RFXANK: variants seen among roughly 807,000 people sequenced by gnomAD.
RFXANK encodes regulatory factor X associated ankyrin containing protein, also known as DNA-binding protein RFXANK.
A neutral mutation model predicts 34.5 loss-of-function variants in RFXANK; 19 were observed. The observed-to-expected ratio is 0.55, with a 90% CI of 0.38 to 0.81. The LOEUF is 0.81. RFXANK is among the 30% of genes least tolerant of loss of function. The pLI is 0.00. For synonymous variants in RFXANK, 154 were observed against 149.8 expected, an observed-to-expected ratio of 1.03 and a Z score of -0.20; for missense variants, 295 against 343.5, an observed-to-expected ratio of 0.86 and a Z score of 1.12.
rs200263189 is a variant in RFXANK at position 19,201,732 on chromosome 19, G to A, written c.*13G>A. 4.8e-5 allele frequency: 78 copies of A among 1,613,700 alleles called. 1 individual carries two copies. Among genetic ancestry groups the A allele is most frequent in the Non-Finnish European group, 6.2e-5 (73 of 1,179,948 alleles). On this transcript the variant is annotated 3_prime_UTR_variant, in exon 10 of 10. Transcript: ENST00000303088. ...TGACCCTGAGTGAAGGCCGCCTGCC[G>A]GGGACTCAGACACTCAGGGAACAAA...
intron 3 of RFXANK, among the ~76,000 whole-genome samples, chr19:19,195,324 T>C (rs2060580990): frequency 2.8e-5 from 3 of 108,804 alleles, no homozygotes; most frequent in Non-Finnish European, 3.5e-5. Context: ...CTGGATCCCC[T>C]CTCTTCTTGA....
chr19:19,194,690 ATTT>A (rs75789359), intron 3 of RFXANK, among the ~76,000 whole-genome samples: 2 of 137,072 alleles, frequency 1.5e-5, no homozygotes. Context: ...CACCTGGCTA[ATTT>A]TTTTTTTTTT....
intron 9 of RFXANK, among the ~76,000 whole-genome samples, chr19:19,200,513 T>C (rs1431020445): frequency 6.6e-6 from 1 of 151,688 alleles, no homozygotes; most frequent in Non-Finnish European, 1.5e-5. Flanking sequence ...GGTCTCGCTA[T>C]GTTGCCCAGG....
chr19:19,201,608 G>A (rs760983833), intron 9 of RFXANK, 41 bp from the exon 10 acceptor site: 42 of 1,613,300 alleles, frequency 2.6e-5, no homozygotes, highest in Non-Finnish European at 2.9e-5. Context: ...CCCCACTCCC[G>A]ATTCAAGCTC....
chr19:19,198,003 C>G, intron 6 of RFXANK, 104 bp from the exon 7 acceptor site: 1 of 1,478,106 alleles, frequency 6.8e-7, no homozygotes, highest in Non-Finnish European at 9.3e-7. Context: ...CAGAGCAAGA[C>G]TCTATCTCCA....
At chr19:19,198,900 T>C (rs1466504445) in intron 8 of RFXANK, 177 bp downstream of exon 8, 1 of 778,870 alleles carries the variant, frequency 1.3e-6, no homozygotes, top group African/African-American at 1.7e-5. Context: ...CACACGGGAG[T>C]CGGGGTCTGG....
Position 19,201,652 on chromosome 19 carries a change from A to G in RFXANK, c.716A>G (p.Gln239Arg). Residue 239 changes from glutamine to arginine, a missense_variant, in exon 10 of 10, where the codon CAA (glutamine) becomes CGA (arginine). Coordinates refer to ENST00000303088, the MANE Select transcript of RFXANK (RefSeq NM_003721.4). ...CCTTTTCCCTGCCCCATCTCAGTGC[A>G]ACAGGTGATCGAGAACCACATCCTC... ...LAVALGYRKV[Q>R]QVIENHILKL... is the part of the protein sequence containing the mutation. The G allele has an allele frequency of 6.2e-7, 1 of 1,614,112 alleles. No individual in the cohort carries two copies. Among genetic ancestry groups the G allele is most frequent in the African/African-American group, 1.3e-5 (1 of 75,044 alleles).
rs1219644365 is a variant in RFXANK, at chr19:19,198,739, GAGTGGCCCTGGGGGCCCCAGCACTCC to G, written c.631+19_631+44del. The G allele has an allele frequency of 6.2e-7, 1 of 1,613,698 alleles. No individual in the cohort carries two copies. Among genetic ancestry groups the G allele is most frequent in the Admixed American group, 1.7e-5 (1 of 60,032 alleles). On this transcript the variant is annotated intron_variant, in intron 8 of 9. Coordinates refer to ENST00000303088, the MANE Select transcript of RFXANK (RefSeq NM_003721.4). ...GCCTTGCTGGGTGAGTGGGAGTCGG[GAGTGGCCCTGGGGGCCCCAGCACTCC>G]AGCGGGCCCTGCGGGAATCCTGAGG...
chr19:19,197,277 C>A (rs749293269), intron 5 of RFXANK, 26 bp downstream of exon 5: 1 of 1,610,518 alleles, frequency 6.2e-7, no homozygotes, highest in South Asian at 1.1e-5. Flanking sequence ...CATGTGCTGG[C>A]ATGTCTGCAC....
In RFXANK at chr19:19,200,788, A is replaced by ATTTTTTTTTTTTT. The variant is rs71170606; in HGVS notation, c.713-846_713-834dup. The ATTTTTTTTTTTTT allele has an allele frequency of 3.5e-5, 3 of 84,560 alleles. 1 individual carries two copies. Among genetic ancestry groups the ATTTTTTTTTTTTT allele is most frequent in the Admixed American group, 1.6e-4 (1 of 6,398 alleles). 5.2% of individuals were successfully genotyped at this position (84,560 alleles called of 1,614,324 possible). ...AAGTGCCTGCCACCACACCTGGCTA[A>ATTTTTTTTTTTTT]TTTTTTTTTTTTTTTTTTTTTTTTT... On this transcript the variant is annotated intron_variant, in intron 9 of 9. Coordinates refer to ENST00000303088, the MANE Select transcript of RFXANK (RefSeq NM_003721.4).
intron 5 of RFXANK, 92 bp downstream of exon 5, chr19:19,197,343 G>A (rs1599781729): frequency 7.3e-7 from 1 of 1,361,462 alleles, no homozygotes; most frequent in Non-Finnish European, 1.0e-6. Context: ...ACCTGTGAGT[G>A]TCCACGTGTA....
At chr19:19,192,585 C>G (rs1016950399) in intron 1 of RFXANK, 31 bp downstream of exon 1, 2 of 164,272 alleles carry the variant, frequency 1.2e-5, no homozygotes, top group Middle Eastern at 3.0e-3. Flanking sequence ...CCAGACGCCC[C>G]GCGTACTTCC....
intron 9 of RFXANK, chr19:19,201,321 TC>T: frequency 1.4e-6 from 1 of 724,208 alleles, no homozygotes; most frequent in Non-Finnish European, 2.3e-6. Context: ...CAAGCAGTCC[TC>T]CCCACTGGAC....
At chr19:19,199,335 G>C in intron 9 of RFXANK, 101 bp downstream of exon 9, 1 of 1,147,556 alleles carries the variant, frequency 8.7e-7, no homozygotes, top group Non-Finnish European at 1.3e-6. Flanking sequence ...TACGCCGGCA[G>C]CGAGAGTGTG....
Position 19,192,333 on chromosome 19 carries a change from CGCGACGGCCAGGAGGCTGGTGGA to C in RFXANK, c.-365_-343del, listed in dbSNP as rs2060496662. 1 of 610,248 alleles carries C rather than the reference CGCGACGGCCAGGAGGCTGGTGGA, an allele frequency of 1.6e-6. No individual in the cohort carries two copies. Among genetic ancestry groups the C allele is most frequent in the Non-Finnish European group, 2.8e-6 (1 of 351,796 alleles). The allele number at this position is 610,248 out of a possible 1,614,324, so 37.8% of individuals were successfully genotyped here. On this transcript the variant is annotated 5_prime_UTR_variant, in exon 1 of 10. Transcript: ENST00000303088. ...CGGGGGTGGCGCAGTGAGGAGGGGG[CGCGACGGCCAGGAGGCTGGTGGA>C]GCGACACCCAGGCAGGAGAGGGGGA...
In RFXANK at chr19:19,196,974, C is replaced by T. The variant is rs1054822105; in HGVS notation, c.199C>T (p.Leu67=). The stretch of plus-strand genomic sequence containing the variant: ...TGTCTGTTTCCCAGCAGGCAGCTCC[C>T]TGAAGCACTCCACCACTCTCACCAA... ...SVSSPQAGSS[L]KHSTTLTNRQ... Residue 67 remains leucine (L), a synonymous_variant, in exon 4 of 10, where the codon CTG becomes TTG. Transcript: ENST00000303088. 2 of 1,612,458 alleles carry T rather than the reference C, an allele frequency of 1.2e-6. No individual in the cohort carries two copies. Among genetic ancestry groups the T allele is most frequent in the East Asian group, 2.2e-5 (1 of 44,890 alleles).
rs753921776 is a variant in RFXANK, at chr19:19,201,529, T to C, written c.713-120T>C. ...CCTCGGTTCTCCCAGCTTTGCTCTGTAATGCAGGTCTCTGCAAGGGTCCCT... is the reference window on the plus strand; with the variant it reads ...CCTCGGTTCTCCCAGCTTTGCTCTGCAATGCAGGTCTCTGCAAGGGTCCCT... On this transcript the variant is annotated intron_variant, in intron 9 of 9. Coordinates refer to ENST00000303088, the MANE Select transcript of RFXANK (RefSeq NM_003721.4). 1.6e-4 allele frequency: 254 copies of C among 1,602,876 alleles called. 2 individuals carry two copies. The highest frequency in any genetic ancestry group is 7.1e-4 in the South Asian group (65 of 91,080).
chr19:19,198,998 G>T, intron 8 of RFXANK, 156 bp from the exon 9 acceptor site: 1 of 794,290 alleles, frequency 1.3e-6, no homozygotes, highest in Non-Finnish European at 2.1e-6. Context: ...GACCAAGATA[G>T]CAGAGGTTGG....
At chr19:19,200,319 A>G (rs2060685476) in intron 9 of RFXANK, among the ~76,000 whole-genome samples, 1 of 151,634 alleles carries the variant, frequency 6.6e-6, no homozygotes, top group South Asian at 2.1e-4. Flanking sequence ...CTGGGACCAC[A>G]GGTGCACACC....
Sources: gnomAD v4.1 joint callset for allele counts (sites outside exome capture counted in the v4.1 genomes callset) on GRCh38, gnomAD v4.1.1 for gene constraint, MANE v1.5 for transcripts, NCBI Gene and HGNC (gene_info 2026-07-23, HGNC 2026-07-21) for gene names.